RASA1: variants seen among roughly 807,000 people sequenced by gnomAD.
RASA1 encodes RAS p21 protein activator 1.
A neutral mutation model predicts 132.2 loss-of-function variants in RASA1; 25 were observed. That is an observed-to-expected ratio of 0.19 (90% CI 0.14 to 0.26). The LOEUF (loss-of-function observed/expected upper bound fraction) is 0.26, where lower values mean the gene tolerates loss of function less well. Among genes scored for constraint, RASA1 ranks in the 10% least tolerant of loss-of-function variants. The pLI, the probability that RASA1 is intolerant of heterozygous loss-of-function variation, is 1.00. For missense variants in RASA1, 964 were observed against 1,299.2 expected, an observed-to-expected ratio of 0.74 and a Z score of 3.97; for synonymous variants, 477 against 449.9, an observed-to-expected ratio of 1.06 and a Z score of -0.76.
chr5:87,333,133 C>T (rs1462166218), intron 3 of RASA1, 134 bp from the exon 4 acceptor site: 5 of 1,347,068 alleles, frequency 3.7e-6, no homozygotes, highest in Non-Finnish European at 5.0e-6. Context: ...ATTTATAGTC[C>T]AAGTAAAAAT....
chr5:87,378,253 T>C (rs1761457336), intron 17 of RASA1, 143 bp from the exon 18 acceptor site: 1 of 862,366 alleles, frequency 1.2e-6, no homozygotes, highest in Admixed American at 2.0e-5. Flanking sequence ...GATGTCATTG[T>C]AATTAGTACT....
intron 7 of RASA1, among the ~76,000 whole-genome samples, chr5:87,347,388 T>A (rs1032814132): frequency 2.0e-5 from 3 of 152,034 alleles, no homozygotes; most frequent in Non-Finnish European, 4.4e-5. Flanking sequence ...TGTCATTGTT[T>A]ATTCTTACTA....
chr5:87,385,064 C>T (rs1344260915), intron 21 of RASA1, among the ~76,000 whole-genome samples: 1 of 152,050 alleles, frequency 6.6e-6, no homozygotes, highest in Admixed American at 6.5e-5. Context: ...GTACCCTTTT[C>T]GCAAGCCTAG....
chr5:87,304,939 C>CTTTTTTTTT (rs756572506), intron 1 of RASA1, among the ~76,000 whole-genome samples: 17 of 64,412 alleles, frequency 2.6e-4, no homozygotes, highest in East Asian at 3.9e-4. Flanking sequence ...TCTTTTAGTC[C>CTTTTTTTTT]TTTTTTTTTT....
chr5:87,272,483 G>C (rs6869460), intron 1 of RASA1, among the ~76,000 whole-genome samples: 3,180 of 151,632 alleles, frequency 0.021, 110 homozygotes, highest in African/African-American at 0.072. Flanking sequence ...TTCTTGGAAA[G>C]GTCAGTTTCC....
rs1257134618 is a variant in RASA1, at chr5:87,268,323, T to A, written c.-129T>A. ...GGCGCGGCGGCGGGCTCTCTCCTTTTGTTGTTGTTTCCTCAGCCTGGGGAG... is the reference window on the plus strand; with the variant it reads ...GGCGCGGCGGCGGGCTCTCTCCTTTAGTTGTTGTTTCCTCAGCCTGGGGAG... On this transcript the variant is annotated 5_prime_UTR_variant, in exon 1 of 25. Coordinates refer to ENST00000274376, the MANE Select transcript of RASA1 (RefSeq NM_002890.3). The A allele has an allele frequency of 3.5e-6, 4 of 1,150,998 alleles. No individual in the cohort carries two copies. The highest frequency in any genetic ancestry group is 6.3e-5 in the Admixed American group (2 of 31,550). The allele number at this position is 1,150,998 out of a possible 1,614,324, so 71.3% of individuals were successfully genotyped here. A position where few individuals can be genotyped will look rare whatever the true frequency, so the allele number is the denominator to read the frequency against.
intron 1 of RASA1, among the ~76,000 whole-genome samples, chr5:87,288,409 C>T (rs188650833): frequency 6.6e-6 from 1 of 152,026 alleles, no homozygotes; most frequent in Non-Finnish European, 1.5e-5. Flanking sequence ...GAATTGTTTT[C>T]TCAGAGAATT....
At chr5:87,381,403 G>A (rs3827607) in intron 20 of RASA1, among the ~76,000 whole-genome samples, 63,731 of 151,998 alleles carry the variant, frequency 0.42, 13,365 homozygotes, top group Middle Eastern at 0.49. Flanking sequence ...AGTTTAATGC[G>A]AAAGCGTCAT....
intron 11 of RASA1, among the ~76,000 whole-genome samples, 189 bp from the exon 12 acceptor site, chr5:87,369,624 G>A (rs1208198201): frequency 1.3e-5 from 2 of 151,894 alleles, no homozygotes; most frequent in African/African-American, 4.8e-5. Flanking sequence ...TTTTAATAGT[G>A]CTGACATAAA....
At chr5:87,381,895 A>G (rs992034104) in intron 20 of RASA1, among the ~76,000 whole-genome samples, 2 of 152,214 alleles carry the variant, frequency 1.3e-5, no homozygotes, top group East Asian at 1.9e-4. Flanking sequence ...AATTATCACA[A>G]TATTTTCAAG....
chr5:87,318,801 C>G (rs1561277291), intron 1 of RASA1: 1 of 152,270 alleles, frequency 6.6e-6, no homozygotes, highest in East Asian at 1.9e-4. Context: ...ACAATCATGC[C>G]TTCCCAACAG....
At chr5:87,378,758 C>T (rs189398739) in intron 18 of RASA1, among the ~76,000 whole-genome samples, 5 of 152,138 alleles carry the variant, frequency 3.3e-5, no homozygotes, top group Admixed American at 3.3e-4. Flanking sequence ...CAAGTTGCAC[C>T]AGAAATTCAT....
chr5:87,358,316 T>C lies in RASA1; in HGVS notation c.1333-4235T>C, dbSNP rs184326696. On this transcript the variant is annotated intron_variant, in intron 9 of 24. Transcript: ENST00000274376. ...TTTTTGAGCACTATATTTTAAGCACTGTTTTTTATACATATTCATTCATTT... is the reference window on the plus strand; with the variant it reads ...TTTTTGAGCACTATATTTTAAGCACCGTTTTTTATACATATTCATTCATTT... Among the ~76,000 whole-genome samples, 245 of 152,328 alleles carry C rather than the reference T, an allele frequency of 1.6e-3. 3 individuals carry two copies. The highest frequency in any genetic ancestry group is 7.1e-3 in the Admixed American group (108 of 15,296).
At chr5:87,364,212 T>C (rs1039786485) in intron 11 of RASA1, among the ~76,000 whole-genome samples, 1 of 152,172 alleles carries the variant, frequency 6.6e-6, no homozygotes, top group African/African-American at 2.4e-5. Context: ...TGCCGCAGGA[T>C]GGCATTTCTG....
At chr5:87,308,264 C>T (rs1272273993) in intron 1 of RASA1, among the ~76,000 whole-genome samples, 2 of 151,688 alleles carry the variant, frequency 1.3e-5, no homozygotes, top group Non-Finnish European at 2.9e-5. Flanking sequence ...GCTTTGTGAC[C>T]ACAATATGCA....
chr5:87,287,017 C>T lies in RASA1; in HGVS notation c.539+18027C>T, dbSNP rs1754612289. 2.7e-5 allele frequency among the ~76,000 whole-genome samples: 4 copies of T among 145,992 alleles called. No homozygotes were observed. In the South Asian group the frequency reaches 8.5e-4, roughly 31 times the overall value. ...ACCATATATATACCATATATATACA[C>T]CATATATATACCATATATATACACA... On this transcript the variant is annotated intron_variant, in intron 1 of 24. Transcript: ENST00000274376.
intron 1 of RASA1, among the ~76,000 whole-genome samples, chr5:87,314,817 A>G (rs982614849): frequency 1.3e-5 from 2 of 152,140 alleles, no homozygotes; most frequent in African/African-American, 4.8e-5. Flanking sequence ...TGGAAATGCA[A>G]TTCTGTCTTT....
intron 24 of RASA1, among the ~76,000 whole-genome samples, chr5:87,390,207 C>CT (rs1377825719): frequency 1.3e-5 from 2 of 152,298 alleles, no homozygotes; most frequent in East Asian, 3.9e-4. Context: ...ATGAGTTACA[C>CT]TTTGAATGTC....
At chr5:87,278,414 G>A in intron 1 of RASA1, among the ~76,000 whole-genome samples, 1 of 151,592 alleles carries the variant, frequency 6.6e-6, no homozygotes, top group East Asian at 1.9e-4. Context: ...AATTAGCTGG[G>A]CGTGGTGGTG....
Sources: allele counts gnomAD v4.1 joint callset (sites outside exome capture counted in the v4.1 genomes callset), GRCh38; gene constraint gnomAD v4.1.1; transcripts MANE v1.5; gene names NCBI Gene and HGNC (gene_info 2026-07-23, HGNC 2026-07-21).